NGEF: variants seen among roughly 807,000 people sequenced by gnomAD.
NGEF encodes ephexin-1.
A neutral mutation model predicts 80.9 loss-of-function variants in NGEF; 31 were observed. That is an observed-to-expected ratio of 0.38 (90% confidence interval 0.29 to 0.52). The LOEUF (loss-of-function observed/expected upper bound fraction) is 0.52. NGEF is among the 20% of genes least tolerant of loss of function. The probability of loss-of-function intolerance (pLI) is 0.84; values close to 1 mark genes in which losing one functional copy is unlikely to be tolerated. For missense variants in NGEF, 709 were observed against 926.2 expected (o/e 0.77, Z 3.04); for synonymous variants, 371 against 370.2 (o/e 1.00, Z -0.03).
At chr2:232,881,085 C>T in intron 14 of NGEF, 61 bp downstream of exon 14, 5 of 1,346,808 alleles carry the variant, frequency 3.7e-6, no homozygotes, top group South Asian at 1.2e-5. Context: ...CTCCCCCTCC[C>T]CGTCATCCCT....
intron 5 of NGEF, 152 bp downstream of exon 5, chr2:232,920,132 A>T: frequency 1.4e-6 from 1 of 702,362 alleles, no homozygotes; most frequent in Non-Finnish European, 2.3e-6. Context: ...AACCATGTTT[A>T]TTTTTCTGCA....
intron 1 of NGEF, among the ~76,000 whole-genome samples, chr2:232,990,955 A>G (rs1457885982): frequency 1.3e-5 from 2 of 152,170 alleles, no homozygotes; most frequent in Non-Finnish European, 2.9e-5. Context: ...GTAATATACC[A>G]TACGAATGAA....
intron 3 of NGEF, among the ~76,000 whole-genome samples, chr2:232,953,876 T>C (rs1457825210): frequency 6.6e-6 from 1 of 152,188 alleles, no homozygotes; most frequent in Non-Finnish European, 1.5e-5. Flanking sequence ...GATAAGACAT[T>C]TTCTGATAGA....
At chr2:232,925,294 G>A (rs1388879619) in intron 4 of NGEF, among the ~76,000 whole-genome samples, 3 of 152,206 alleles carry the variant, frequency 2.0e-5, no homozygotes, top group East Asian at 1.9e-4. Context: ...GCAGGGATCC[G>A]CTTAGCACAG....
intron 1 of NGEF, among the ~76,000 whole-genome samples, chr2:233,004,500 G>A (rs569470205): frequency 2.0e-5 from 3 of 152,324 alleles, no homozygotes; most frequent in African/African-American, 7.2e-5. Context: ...GCCCTCCAGG[G>A]TCCTCTTCCT....
chr2:232,891,395 G>A lies in NGEF; in HGVS notation c.1235C>T (p.Pro412Leu). 1 of 1,613,698 alleles carries A rather than the reference G, an allele frequency of 6.2e-7. No individual in the cohort carries two copies. The highest frequency in any genetic ancestry group is 8.5e-7 in the Non-Finnish European group (1 of 1,179,980). Residue 412 changes from proline to leucine, a missense_variant, in exon 8 of 15, where the codon CCT (proline) becomes CTT (leucine). Physicochemically the swap from Pro to Leu is moderately conservative, Grantham distance 98. Transcript: ENST00000264051. ...CTTGAGGCGTGTGATCCTCTGGAAA[G>A]GCAGGATGAGGAAGGAGGAGAAGGG... Reference protein sequence around the residue: ...GLPFSSFLILPFQRITRLKLL... With the variant: ...GLPFSSFLILLFQRITRLKLL...
intron 1 of NGEF, among the ~76,000 whole-genome samples, chr2:232,980,780 T>C (rs1694397028): frequency 6.6e-6 from 1 of 152,150 alleles, no homozygotes. Context: ...ATTACAGGCA[T>C]GAGTCAGACA....
chr2:232,944,309 T>C (rs531715275), intron 3 of NGEF, among the ~76,000 whole-genome samples: 27 of 152,218 alleles, frequency 1.8e-4, no homozygotes, highest in Middle Eastern at 3.4e-3. Context: ...TGACGCCACA[T>C]CTAATAATTG....
intron 1 of NGEF, among the ~76,000 whole-genome samples, chr2:232,996,759 T>A (rs1433878678): frequency 6.6e-6 from 1 of 152,310 alleles, no homozygotes; most frequent in Admixed American, 6.5e-5. Flanking sequence ...CCTCCCAAAG[T>A]GCTGGGATTA....
intron 1 of NGEF, among the ~76,000 whole-genome samples, chr2:233,011,966 T>C (rs1230679436): frequency 6.6e-6 from 1 of 152,080 alleles, no homozygotes; most frequent in African/African-American, 2.4e-5. Flanking sequence ...TCTCCCTTCA[T>C]GGACCAGAAA....
At chr2:232,924,653 C>A (rs541796601) in intron 4 of NGEF, among the ~76,000 whole-genome samples, 1 of 152,296 alleles carries the variant, frequency 6.6e-6, no homozygotes, top group Non-Finnish European at 1.5e-5. Context: ...CAAGGCCCAC[C>A]TGGAGGAGGC....
chr2:232,948,392 C>G (rs1398879339), intron 3 of NGEF, among the ~76,000 whole-genome samples: 1 of 151,974 alleles, frequency 6.6e-6, no homozygotes, highest in African/African-American at 2.4e-5. Flanking sequence ...TGTTAATTTT[C>G]TTAAGTGTGA....
intron 14 of NGEF, 105 bp from the exon 15 acceptor site, chr2:232,879,784 G>T: frequency 1.8e-6 from 2 of 1,093,354 alleles, no homozygotes; most frequent in Non-Finnish European, 2.6e-6. Flanking sequence ...GACACTAGGG[G>T]TCCAGCTGGC....
chr2:232,934,939 T>G (rs907204712), intron 3 of NGEF, among the ~76,000 whole-genome samples: 4 of 151,144 alleles, frequency 2.6e-5, no homozygotes, highest in Admixed American at 2.0e-4. Context: ...GCCCAGGAGG[T>G]GAAGGTTGAA....
chr2:232,926,524 G>A (rs1693070924), intron 4 of NGEF, among the ~76,000 whole-genome samples: 1 of 152,142 alleles, frequency 6.6e-6, no homozygotes, highest in Non-Finnish European at 1.5e-5. Context: ...TGGGGCTCTT[G>A]CTTCCTCCCT....
chr2:232,964,263 A>G (rs1293747978), intron 3 of NGEF, among the ~76,000 whole-genome samples: 2 of 152,238 alleles, frequency 1.3e-5, no homozygotes, highest in African/African-American at 4.8e-5. Flanking sequence ...AAATGAGTAC[A>G]TACATCCACA....
intron 3 of NGEF, among the ~76,000 whole-genome samples, chr2:232,937,709 C>G (rs988254725): frequency 6.6e-6 from 1 of 152,154 alleles, no homozygotes; most frequent in Non-Finnish European, 1.5e-5. Flanking sequence ...TGGTGCCATG[C>G]CCTTGGTGTG....
At chr2:232,906,018 G>A (rs1378203567) in intron 5 of NGEF, among the ~76,000 whole-genome samples, 1 of 135,758 alleles carries the variant, frequency 7.4e-6, no homozygotes, top group Non-Finnish European at 1.6e-5. Context: ...CCGGGAGGGA[G>A]GTGGGGGGGT....
At chr2:232,909,817 T>C (rs1350053543) in intron 5 of NGEF, among the ~76,000 whole-genome samples, 1 of 152,228 alleles carries the variant, frequency 6.6e-6, no homozygotes, top group Non-Finnish European at 1.5e-5. Context: ...TGAGATCTGT[T>C]TTCTGCCACT....
Sources: gnomAD v4.1 joint callset for allele counts (sites outside exome capture counted in the v4.1 genomes callset) on GRCh38, gnomAD v4.1.1 for gene constraint, MANE v1.5 for transcripts, NCBI Gene and HGNC (gene_info 2026-07-23, HGNC 2026-07-21) for gene names.